The following WWC2 variants were observed in gnomAD, a reference collection of about 807,000 sequenced individuals.
WWC2 encodes the protein protein WWC2.
In WWC2, 101 loss-of-function variants were observed where a neutral mutation model predicts 138.5. The observed-to-expected ratio is 0.73, with a 90% CI of 0.62 to 0.86. The LOEUF (loss-of-function observed/expected upper bound fraction) is 0.86, where lower values mean the gene tolerates loss of function less well. Among genes scored for constraint, WWC2 ranks in the 40% least tolerant of loss-of-function variants. WWC2 has a pLI of 0.00. For missense variants in WWC2, 1,420 were observed against 1,419.4 expected (o/e 1.00, Z -0.01); for synonymous variants, 558 against 538.4 (o/e 1.04, Z -0.50).
intron 1 of WWC2, among the ~76,000 whole-genome samples, chr4:183,170,270 A>T (rs1183953991): frequency 6.6e-6 from 1 of 152,206 alleles, no homozygotes; most frequent in East Asian, 1.9e-4. Context: ...AGACACCTAG[A>T]GTCACAATGG....
In WWC2 at chr4:183,168,163, T is replaced by G. The variant is rs543615858; in HGVS notation, c.132-25436T>G. Among the ~76,000 whole-genome samples, 74 of 64,716 alleles carry G rather than the reference T, an allele frequency of 1.1e-3. 1 individual carries two copies. The East Asian group carries it at 0.023, about 20-fold the overall frequency. The allele number at this position is 64,716 out of a possible 152,430, so 42.5% of individuals were successfully genotyped here. On this transcript the variant is annotated intron_variant, in intron 1 of 22. Coordinates refer to ENST00000403733, the MANE Select transcript of WWC2 (RefSeq NM_024949.6). ...GCCACCACGCCCGGCTGACTTTTTTTCTTTTCTTTTCTTTCTTTTTTTTTT... is the reference window on the plus strand; with the variant it reads ...GCCACCACGCCCGGCTGACTTTTTTGCTTTTCTTTTCTTTCTTTTTTTTTT...
intron 4 of WWC2, among the ~76,000 whole-genome samples, chr4:183,228,003 GCTC>G (rs1431126189): frequency 6.6e-5 from 10 of 151,910 alleles, no homozygotes; most frequent in African/African-American, 2.4e-4. Flanking sequence ...TGGATTAAAT[GCTC>G]TAGTTAAAAA....
intron 1 of WWC2, among the ~76,000 whole-genome samples, chr4:183,110,064 C>T (rs1320392812): frequency 6.6e-6 from 1 of 152,186 alleles, no homozygotes; most frequent in Non-Finnish European, 1.5e-5. Flanking sequence ...TCTCTGGGCA[C>T]CTGGCTTTGC....
chr4:183,183,038 G>A (rs545201265), intron 1 of WWC2, among the ~76,000 whole-genome samples: 2 of 152,336 alleles, frequency 1.3e-5, no homozygotes, highest in African/African-American at 4.8e-5. Flanking sequence ...AGAAGGCAGG[G>A]TCCCTGCCTA....
chr4:183,122,089 A>G (rs1037073604), intron 1 of WWC2, among the ~76,000 whole-genome samples: 1 of 152,070 alleles, frequency 6.6e-6, no homozygotes, highest in East Asian at 1.9e-4. Flanking sequence ...CCAGCCAAGA[A>G]GCATTTTTTT....
intron 1 of WWC2, among the ~76,000 whole-genome samples, chr4:183,164,192 G>A (rs1282483316): frequency 3.3e-5 from 5 of 149,830 alleles, no homozygotes; most frequent in Non-Finnish European, 4.4e-5. Flanking sequence ...CTTAAGCTCC[G>A]TGATATTTTA....
rs56182831 is a variant in WWC2, at chr4:183,198,789, T to TAAAAA, written c.241+5103_241+5107dup. 1.7e-4 allele frequency among the ~76,000 whole-genome samples: 12 copies of TAAAAA among 72,320 alleles called. 2 individuals are homozygous for TAAAAA. The highest frequency in any genetic ancestry group is 1.7e-3 in the South Asian group (2 of 1,160). 47.4% of individuals were successfully genotyped at this position (72,320 alleles called of 152,430 possible). Reference sequence around the variant, plus strand: ...GGTAACATATAAGACCTCGTCTCTTTAAAAAAAAAAAAAAAAAAAAAAAAA... The same window carrying TAAAAA: ...GGTAACATATAAGACCTCGTCTCTTTAAAAAAAAAAAAAAAAAAAAAAAAAAAAAA... On this transcript the variant is annotated intron_variant, in intron 2 of 22. Coordinates refer to ENST00000403733, the MANE Select transcript of WWC2 (RefSeq NM_024949.6).
chr4:183,164,292 A>AT (rs1281862098), intron 1 of WWC2, among the ~76,000 whole-genome samples: 2 of 282 alleles, frequency 7.1e-3, no homozygotes, highest in African/African-American at 6.1e-3. Flanking sequence ...ATATATATAT[A>AT]TATATATACA....
chr4:183,232,909 A>G (rs1736295004), intron 4 of WWC2, among the ~76,000 whole-genome samples: 3 of 152,014 alleles, frequency 2.0e-5, no homozygotes, highest in Admixed American at 2.0e-4. Flanking sequence ...TGGCCTCTCA[A>G]AGTGCTGGGA....
chr4:183,275,839 T>G (rs1737836462), intron 16 of WWC2, among the ~76,000 whole-genome samples: 1 of 152,176 alleles, frequency 6.6e-6, no homozygotes, highest in African/African-American at 2.4e-5. Flanking sequence ...ATAATTTGTA[T>G]TAATTCTTCT....
At chr4:183,105,611 C>T (rs1034379237) in intron 1 of WWC2, among the ~76,000 whole-genome samples, 1 of 152,184 alleles carries the variant, frequency 6.6e-6, no homozygotes, top group African/African-American at 2.4e-5. Flanking sequence ...TTTGGACTTG[C>T]CGGGCGCTGT....
chr4:183,268,315 A>G (rs1366110710), intron 14 of WWC2, among the ~76,000 whole-genome samples: 2 of 152,190 alleles, frequency 1.3e-5, no homozygotes, highest in South Asian at 4.1e-4. Context: ...AGTCACTTTA[A>G]GGTAGTATTA....
intron 17 of WWC2, 59 bp downstream of exon 17, chr4:183,280,956 A>G: frequency 6.6e-7 from 1 of 1,507,670 alleles, no homozygotes; most frequent in Non-Finnish European, 8.9e-7. Flanking sequence ...TACACGGCTT[A>G]CAGTGAAACC....
At chr4:183,270,270 T>C (rs139857837) in intron 15 of WWC2, among the ~76,000 whole-genome samples, 122 of 152,330 alleles carry the variant, frequency 8.0e-4, no homozygotes, top group African/African-American at 2.7e-3. Flanking sequence ...TGTAATTGAA[T>C]TTAGATTTTG....
intron 9 of WWC2, among the ~76,000 whole-genome samples, chr4:183,255,038 C>T (rs1286764678): frequency 2.6e-5 from 4 of 152,200 alleles, no homozygotes; most frequent in Non-Finnish European, 5.9e-5. Flanking sequence ...CCCACCCCAA[C>T]GTTAACCGTT....
chr4:183,297,557 G>A (rs962458089), intron 21 of WWC2, among the ~76,000 whole-genome samples: 3 of 151,856 alleles, frequency 2.0e-5, no homozygotes, highest in Admixed American at 6.6e-5. Flanking sequence ...CTACAGGCGC[G>A]CACCACCACT....
At chr4:183,270,269 A>G (rs1337443705) in intron 15 of WWC2, among the ~76,000 whole-genome samples, 2 of 152,190 alleles carry the variant, frequency 1.3e-5, no homozygotes, top group Non-Finnish European at 2.9e-5. Flanking sequence ...GTGTAATTGA[A>G]TTTAGATTTT....
At chr4:183,160,974 G>T (rs368217967) in intron 1 of WWC2, among the ~76,000 whole-genome samples, 5 of 152,088 alleles carry the variant, frequency 3.3e-5, no homozygotes, top group Admixed American at 6.5e-5. Context: ...CTTATTAGGA[G>T]ACAACACAAA....
At chr4:183,207,826 C>A in intron 2 of WWC2, 127 bp from the exon 3 acceptor site, 1 of 792,608 alleles carries the variant, frequency 1.3e-6, no homozygotes, top group Non-Finnish European at 1.9e-6. Flanking sequence ...CTGGAGAAGT[C>A]ACTCCAGCAC....
Sources: allele counts gnomAD v4.1 joint callset (sites outside exome capture counted in the v4.1 genomes callset), GRCh38; gene constraint gnomAD v4.1.1; transcripts MANE v1.5; gene names NCBI Gene and HGNC (gene_info 2026-07-23, HGNC 2026-07-21).